Variants in THSD7B observed in about 807,000 individuals in gnomAD.
THSD7B encodes the protein thrombospondin type-1 domain-containing protein 7B.
THSD7B carries 138 observed loss-of-function variants against 213.6 expected under a neutral mutation model. The observed-to-expected ratio is 0.65, with a 90% CI of 0.56 to 0.74. The LOEUF (loss-of-function observed/expected upper bound fraction) is 0.74, where lower values mean the gene tolerates loss of function less well. THSD7B is among the 30% of genes least tolerant of loss of function. THSD7B has a pLI of 0.00. For missense variants in THSD7B, 1,931 were observed against 1,991.5 expected (o/e 0.97, Z 0.58); for synonymous variants, 742 against 687.0 (o/e 1.08, Z -1.25).
chr2:137,192,721 G>A (rs1423558632), intron 7 of THSD7B, among the ~76,000 whole-genome samples: 1 of 151,980 alleles, frequency 6.6e-6, no homozygotes, highest in Non-Finnish European at 1.5e-5. Context: ...CTGAAATCTG[G>A]ATGTATTTTG....
intron 4 of THSD7B, among the ~76,000 whole-genome samples, chr2:137,108,854 G>A (rs184280424): frequency 1.1e-4 from 17 of 152,236 alleles, no homozygotes; most frequent in East Asian, 7.7e-4. Context: ...ATGGTAGGAG[G>A]TAAATGAAGA....
intron 14 of THSD7B, among the ~76,000 whole-genome samples, chr2:137,432,846 C>T (rs80354957): frequency 0.014 from 2,171 of 152,282 alleles, 68 homozygotes; most frequent in African/African-American, 0.05. Flanking sequence ...CTTCACCAGT[C>T]TGTTTCTATA....
At chr2:137,379,204 A>G (rs549828001) in intron 12 of THSD7B, among the ~76,000 whole-genome samples, 54 of 152,286 alleles carry the variant, frequency 3.5e-4, no homozygotes, top group Admixed American at 2.4e-3. Context: ...CTAAGCATTT[A>G]TTTATTTAAA....
chr2:136,899,767 G>A (rs892969514), intron 2 of THSD7B, among the ~76,000 whole-genome samples: 1 of 152,164 alleles, frequency 6.6e-6, no homozygotes, highest in African/African-American at 2.4e-5. Context: ...CTTATGTAGA[G>A]TATTGAGTAT....
chr2:137,205,596 C>G (rs1269327799), intron 7 of THSD7B, among the ~76,000 whole-genome samples: 1 of 151,992 alleles, frequency 6.6e-6, no homozygotes, highest in Non-Finnish European at 1.5e-5. Context: ...AGATGTGAGG[C>G]CTCTGCAATA....
chr2:137,449,960 A>C (rs1310710440), intron 14 of THSD7B, among the ~76,000 whole-genome samples: 1 of 152,088 alleles, frequency 6.6e-6, no homozygotes, highest in Non-Finnish European at 1.5e-5. Context: ...TTATACAGGC[A>C]TGTACAACAG....
chr2:137,510,751 T>G (rs1046703057), intron 15 of THSD7B, among the ~76,000 whole-genome samples: 1 of 152,204 alleles, frequency 6.6e-6, no homozygotes, highest in Admixed American at 6.5e-5. Flanking sequence ...AGTTTTCCTT[T>G]GTATATGATT....
chr2:136,829,004 C>T (rs1316229356), intron 1 of THSD7B, among the ~76,000 whole-genome samples: 1 of 152,146 alleles, frequency 6.6e-6, no homozygotes, highest in Admixed American at 6.6e-5. Context: ...TCTATGAACT[C>T]TTTGTTAGTT....
At chr2:136,817,830 A>G (rs1203766710) in intron 1 of THSD7B, among the ~76,000 whole-genome samples, 16 of 148,670 alleles carry the variant, frequency 1.1e-4, no homozygotes, top group African/African-American at 3.4e-4. Context: ...AGAAATGCAA[A>G]TCAAAACCAC....
intron 15 of THSD7B, among the ~76,000 whole-genome samples, chr2:137,463,454 C>T (rs1687928408): frequency 1.3e-5 from 2 of 151,862 alleles, no homozygotes; most frequent in South Asian, 2.1e-4. Flanking sequence ...CAACTTTTTA[C>T]TCTTTCCTAC....
intron 21 of THSD7B, among the ~76,000 whole-genome samples, chr2:137,652,363 C>A (rs1264956059): frequency 6.6e-6 from 1 of 152,076 alleles, no homozygotes; most frequent in African/African-American, 2.4e-5. Flanking sequence ...GATACAAATA[C>A]AGCTGCTCCT....
intron 1 of THSD7B, among the ~76,000 whole-genome samples, chr2:136,784,451 T>C (rs1209126016): frequency 1.3e-5 from 2 of 152,174 alleles, no homozygotes; most frequent in African/African-American, 4.8e-5. Flanking sequence ...ATTGCAAAGA[T>C]GATATTTATT....
At chr2:137,582,102 T>C (rs1261992391) in intron 17 of THSD7B, among the ~76,000 whole-genome samples, 1 of 151,208 alleles carries the variant, frequency 6.6e-6, no homozygotes, top group African/African-American at 2.4e-5. Context: ...GGAGACTCAT[T>C]CTCAAAAAAT....
At chr2:136,897,944 G>A (rs990742580) in intron 2 of THSD7B, among the ~76,000 whole-genome samples, 3 of 146,836 alleles carry the variant, frequency 2.0e-5, no homozygotes, top group Admixed American at 6.8e-5. Flanking sequence ...GACACAGAGC[G>A]CTTGCGTTTT....
intron 2 of THSD7B, among the ~76,000 whole-genome samples, chr2:136,939,412 CT>C (rs747003676): frequency 6.6e-6 from 1 of 152,176 alleles, no homozygotes; most frequent in African/African-American, 2.4e-5. Context: ...TGGAATTTAA[CT>C]TTTTTTCTCC....
At chr2:137,219,098 T>G (rs139040889) in intron 7 of THSD7B, among the ~76,000 whole-genome samples, 2,051 of 152,188 alleles carry the variant, frequency 0.013, 31 homozygotes, top group Non-Finnish European at 0.022. Flanking sequence ...ACTGCAAACT[T>G]TCAATGTAGT....
Position 137,451,010 on chromosome 2 carries a change from A to G in THSD7B, c.3125A>G (p.Asp1042Gly), listed in dbSNP as rs1687639638. The G allele has an allele frequency of 6.3e-7, 1 of 1,596,686 alleles. No homozygotes were observed. Among genetic ancestry groups the G allele is most frequent in the East Asian group, 2.2e-5 (1 of 44,468 alleles). Reference sequence around the variant, plus strand: ...GGAGGACGACCATGTCCCAAACTGGATCTCAAGAATCAGGTAAAGTGCATG... The same window carrying G: ...GGAGGACGACCATGTCCCAAACTGGGTCTCAAGAATCAGGTAAAGTGCATG... ...YNGGRPCPKL[D>G]LKNQVHEAVP... The change falls in exon 15 of 28, where the codon GAT becomes GGT. Residue 1042 changes from aspartate to glycine, a missense_variant. Asp to Gly is a moderately conservative substitution (Grantham distance 94). Transcript: ENST00000409968.
intron 10 of THSD7B, among the ~76,000 whole-genome samples, chr2:137,269,397 A>C (rs1008993023): frequency 6.6e-6 from 1 of 152,244 alleles, no homozygotes; most frequent in Non-Finnish European, 1.5e-5. Context: ...TGGTGTGTGC[A>C]CGTGTGTGCA....
chr2:137,070,758 T>G (rs1026039129), intron 3 of THSD7B, among the ~76,000 whole-genome samples: 13 of 151,644 alleles, frequency 8.6e-5, no homozygotes, highest in Non-Finnish European at 1.6e-4. Flanking sequence ...TTCCCCTTCC[T>G]GTGTGCATGT....
Sources: gnomAD v4.1 joint callset for allele counts (sites outside exome capture counted in the v4.1 genomes callset) on GRCh38, gnomAD v4.1.1 for gene constraint, MANE v1.5 for transcripts, NCBI Gene and HGNC (gene_info 2026-07-23, HGNC 2026-07-21) for gene names.